The following ZFPM2 variants were observed in gnomAD, a reference collection of about 807,000 sequenced individuals.
ZFPM2 encodes zinc finger protein, FOG family member 2.
A neutral mutation model predicts 98.6 loss-of-function variants in ZFPM2; 20 were observed. That is an observed-to-expected ratio of 0.20 (90% CI 0.14 to 0.29). ZFPM2 has a LOEUF of 0.29. Ranked by LOEUF, ZFPM2 falls within the 10% of genes least tolerant of loss-of-function variation. ZFPM2 has a pLI of 1.00. For synonymous variants in ZFPM2, 518 were observed against 502.7 expected (o/e 1.03, Z -0.41); for missense variants, 1,310 against 1,388.6 (o/e 0.94, Z 0.90).
intron 3 of ZFPM2, among the ~76,000 whole-genome samples, chr8:105,446,200 G>C (rs572066389): frequency 6.6e-6 from 1 of 152,166 alleles, no homozygotes; most frequent in African/African-American, 2.4e-5. Flanking sequence ...GATTACAGGC[G>C]TGAGCTACCG....
At chr8:105,732,334 G>A (rs889770916) in intron 5 of ZFPM2, among the ~76,000 whole-genome samples, 1 of 151,732 alleles carries the variant, frequency 6.6e-6, no homozygotes, top group Non-Finnish European at 1.5e-5. Flanking sequence ...CCTCATCTCC[G>A]AAATACATGC....
At chr8:105,615,328 A>C (rs1208387215) in intron 4 of ZFPM2, among the ~76,000 whole-genome samples, 1 of 152,134 alleles carries the variant, frequency 6.6e-6, no homozygotes, top group Admixed American at 6.6e-5. Flanking sequence ...AAATAAAAGC[A>C]TTTTGCTCTA....
chr8:105,645,513 A>T lies in ZFPM2; in HGVS notation c.532+11156A>T, dbSNP rs370673431. On this transcript the variant is annotated intron_variant, in intron 5 of 7. Transcript: ENST00000407775. ...TTCTCCAATGGCTTGAGATACATGG[A>T]TGTCTGCTTTTTATTTTAAGAGCAG... Among the ~76,000 whole-genome samples the T allele has an allele frequency of 2.1e-4, 32 of 152,276 alleles. No homozygotes were observed. In the South Asian group the frequency reaches 6.6e-3, roughly 32 times the overall value.
Position 105,557,858 on chromosome 8 carries a change from G to C in ZFPM2, c.302-3505G>C, listed in dbSNP as rs11991229. The stretch of plus-strand genomic sequence containing the variant: ...TAAAGTGGTTCGGGGACTTAAGTCT[G>C]TGACCCACCAGCCCAGTGCCCTTCT... On this transcript the variant is annotated intron_variant, in intron 3 of 7. Coordinates refer to ENST00000407775, the MANE Select transcript of ZFPM2 (RefSeq NM_012082.4). Among the ~76,000 whole-genome samples, 642 of 152,246 alleles carry C rather than the reference G, an allele frequency of 4.2e-3. 3 individuals are homozygous for C. Among genetic ancestry groups the C allele is most frequent in the African/African-American group, 0.015 (609 of 41,554 alleles).
chr8:105,653,790 A>T (rs1817227709), intron 5 of ZFPM2, among the ~76,000 whole-genome samples: 1 of 151,756 alleles, frequency 6.6e-6, no homozygotes, highest in Admixed American at 6.6e-5. Context: ...CGTATCATAA[A>T]GGAAAAATAA....
intron 4 of ZFPM2, among the ~76,000 whole-genome samples, chr8:105,595,675 T>G (rs1815954026): frequency 6.6e-6 from 1 of 152,116 alleles, no homozygotes; most frequent in African/African-American, 2.4e-5. Flanking sequence ...AACAGGAAAC[T>G]TTCCATGCTT....
chr8:105,392,754 G>T lies in ZFPM2; in HGVS notation c.41-26390G>T, dbSNP rs376126552. 1.2e-4 allele frequency among the ~76,000 whole-genome samples: 18 copies of T among 152,300 alleles called. No homozygotes were observed. The South Asian group carries it at 3.7e-3, about 32-fold the overall frequency. ...ATAATCCAAATTAAACAGAGTATCA[G>T]TAGAGATGTCTTTGAAACATGCAAA... On this transcript the variant is annotated intron_variant, in intron 1 of 7. Transcript: ENST00000407775.
chr8:105,765,743 T>G (rs185427676), intron 5 of ZFPM2, among the ~76,000 whole-genome samples: 1 of 152,050 alleles, frequency 6.6e-6, no homozygotes, highest in Admixed American at 6.6e-5. Flanking sequence ...TTCAAGGTTC[T>G]CTGACTTACT....
chr8:105,560,037 G>A (rs1307095640), intron 3 of ZFPM2, among the ~76,000 whole-genome samples: 1 of 151,818 alleles, frequency 6.6e-6, no homozygotes, highest in Non-Finnish European at 1.5e-5. Context: ...AAGAAACCCT[G>A]CTCTACTAAA....
At chr8:105,797,231 G>A (rs1447666039) in intron 6 of ZFPM2, 1 of 152,186 alleles carries the variant, frequency 6.6e-6, no homozygotes, top group Non-Finnish European at 1.5e-5. Flanking sequence ...TCACCTATAA[G>A]TGGATGAAGG....
Position 105,747,872 on chromosome 8 carries a change from C to CA in ZFPM2, c.533-40845dup, listed in dbSNP as rs1333407254. On this transcript the variant is annotated intron_variant, in intron 5 of 7. Coordinates refer to ENST00000407775, the MANE Select transcript of ZFPM2 (RefSeq NM_012082.4). ...TCAAAGTGGAACCAATTAATGCATT[C>CA]ACACGTGTGGTATGGCTTAATATTT... 2.0e-5 allele frequency among the ~76,000 whole-genome samples: 3 copies of CA among 152,194 alleles called. No homozygotes were observed. In the East Asian group the frequency reaches 5.8e-4, roughly 30 times the overall value.
intron 5 of ZFPM2, among the ~76,000 whole-genome samples, chr8:105,744,303 T>C (rs1479116622): frequency 6.6e-6 from 1 of 152,112 alleles, no homozygotes; most frequent in Non-Finnish European, 1.5e-5. Context: ...TGATATTAGT[T>C]AAGCAGCACT....
intron 1 of ZFPM2, chr8:105,418,564 A>G (rs760068820): frequency 4.3e-5 from 22 of 516,400 alleles, no homozygotes; most frequent in African/African-American, 1.5e-4. Context: ...AAAAAATTCA[A>G]TTAATTATGA....
At chr8:105,376,193 A>C (rs573428356) in intron 1 of ZFPM2, among the ~76,000 whole-genome samples, 1 of 151,842 alleles carries the variant, frequency 6.6e-6, no homozygotes, top group African/African-American at 2.4e-5. Flanking sequence ...AAAGTTGACT[A>C]CTCCCTCCTT....
chr8:105,472,918 C>T (rs1217681933), intron 3 of ZFPM2, among the ~76,000 whole-genome samples: 60 of 122,846 alleles, frequency 4.9e-4, no homozygotes, highest in Non-Finnish European at 7.8e-4. Flanking sequence ...TTTAAAGAAA[C>T]GAGGTCTTAC....
chr8:105,691,915 A>G (rs547786920), intron 5 of ZFPM2, among the ~76,000 whole-genome samples: 2 of 152,204 alleles, frequency 1.3e-5, no homozygotes, highest in African/African-American at 2.4e-5. Context: ...CTTATTAAAA[A>G]CTATAAAAAT....
chr8:105,483,314 G>A (rs551329162), intron 3 of ZFPM2, among the ~76,000 whole-genome samples: 1 of 152,178 alleles, frequency 6.6e-6, no homozygotes, highest in African/African-American at 2.4e-5. Context: ...GTTGAGCTGG[G>A]TGTGGTGGCT....
intron 3 of ZFPM2, among the ~76,000 whole-genome samples, chr8:105,509,048 G>A (rs1813761078): frequency 6.6e-6 from 1 of 152,006 alleles, no homozygotes; most frequent in African/African-American, 2.4e-5. Flanking sequence ...TAGAGCGCCG[G>A]GCCCACAAGA....
At chr8:105,362,106 G>T (rs917145702) in intron 1 of ZFPM2, among the ~76,000 whole-genome samples, 3 of 151,806 alleles carry the variant, frequency 2.0e-5, no homozygotes, top group African/African-American at 7.3e-5. Context: ...AAATCCTACG[G>T]TATATTATTG....
Sources: gnomAD v4.1 joint callset for allele counts (sites outside exome capture counted in the v4.1 genomes callset) on GRCh38, gnomAD v4.1.1 for gene constraint, MANE v1.5 for transcripts, NCBI Gene and HGNC (gene_info 2026-07-23, HGNC 2026-07-21) for gene names.